The following SC5D variants were observed in gnomAD, a reference collection of about 807,000 sequenced individuals.
The protein encoded by SC5D is sterol-C5-desaturase.
In SC5D, 21 loss-of-function variants were observed where a neutral mutation model predicts 23.9. The ratio of observed to expected loss-of-function variants is 0.88; its 90% CI spans 0.62 to 1.26. The LOEUF is 1.26. Ranked by LOEUF, SC5D falls within the 50% of genes most tolerant of loss-of-function variation. The probability of loss-of-function intolerance (pLI) is 0.00; values close to 1 mark genes in which losing one functional copy is unlikely to be tolerated. For missense variants in SC5D, 309 were observed against 364.8 expected (o/e 0.85, Z 1.25); for synonymous variants, 113 against 125.9 (o/e 0.90, Z 0.68).
rs1005927242 is a variant in SC5D, at chr11:121,308,634, CTG to C, written c.*1124_*1125del. On this transcript the variant is annotated 3_prime_UTR_variant, in exon 5 of 5. Coordinates refer to ENST00000264027, the MANE Select transcript of SC5D (RefSeq NM_006918.5). The stretch of plus-strand genomic sequence containing the variant: ...TCAATAAAAGTTGATCATAATTAAA[CTG>C]TATCAGTTGAGTATTATAGCAGCAC... The C allele has an allele frequency of 1.3e-5, 2 of 152,580 alleles. No individual in the cohort carries two copies. The highest frequency in any genetic ancestry group is 2.9e-5 in the Non-Finnish European group (2 of 68,026). The allele number at this position is 152,580 out of a possible 1,614,324, so 9.5% of individuals were successfully genotyped here.
intron 3 of SC5D, 124 bp downstream of exon 3, chr11:121,304,617 T>C (rs1947950496): frequency 1.2e-6 from 1 of 868,962 alleles, no homozygotes; most frequent in Non-Finnish European, 1.8e-6. Context: ...CAGTTGTTTT[T>C]TAATGTTCTA....
chr11:121,296,312 C>T (rs909449627), intron 1 of SC5D, among the ~76,000 whole-genome samples: 47 of 152,194 alleles, frequency 3.1e-4, no homozygotes, highest in East Asian at 1.2e-3. Context: ...TCCCTCCATG[C>T]GTAGTCTAAC....
At chr11:121,305,643 C>T (rs1319576654) in intron 3 of SC5D, 1 of 151,932 alleles carries the variant, frequency 6.6e-6, no homozygotes, top group Non-Finnish European at 1.5e-5. Context: ...AGGAGAATCC[C>T]TTGAACCTGG....
rs1947990864 is a variant in SC5D at position 121,309,224 on chromosome 11, C to CT, written c.*1713dup. 2.0e-5 allele frequency among the ~76,000 whole-genome samples: 3 copies of CT among 152,194 alleles called. No homozygotes were observed. In the South Asian group the frequency reaches 6.2e-4, roughly 32 times the overall value. ...ACCCAGGCTCCTTCCTCTTGGGGCT[C>CT]TGCCTTTCTCTCAGTCCATAGAGCC... On this transcript the variant is annotated 3_prime_UTR_variant, in exon 5 of 5. Transcript: ENST00000264027.
At chr11:121,305,341 A>G (rs559979309) in intron 3 of SC5D, 28 of 151,982 alleles carry the variant, frequency 1.8e-4, no homozygotes, top group African/African-American at 2.4e-4. Flanking sequence ...AGGTGAGTCA[A>G]TGAGGTGTAC....
intron 1 of SC5D, among the ~76,000 whole-genome samples, chr11:121,296,852 T>C (rs1288917833): frequency 6.6e-6 from 1 of 152,228 alleles, no homozygotes; most frequent in Non-Finnish European, 1.5e-5. Context: ...ATTCATATCA[T>C]AAACAAAGGG....
At chr11:121,299,067 C>T (rs1156453288) in intron 1 of SC5D, among the ~76,000 whole-genome samples, 2 of 152,104 alleles carry the variant, frequency 1.3e-5, no homozygotes, top group African/African-American at 4.8e-5. Context: ...AGAGGCCTGA[C>T]AATAGCGGGA....
chr11:121,301,574 A>G (rs1565568225), intron 1 of SC5D, among the ~76,000 whole-genome samples: 1 of 152,184 alleles, frequency 6.6e-6, no homozygotes, highest in Non-Finnish European at 1.5e-5. Flanking sequence ...GAGTGGCCCC[A>G]GACTCACCAA....
Position 121,312,800 on chromosome 11 carries a change from AAGCC to A in SC5D, c.*5290_*5293del. ...TTCCTCTATTATAATTTAACTCATT[AAGCC>A]ATTTATTTAGATGTAAACTTGCCCC... is the stretch of plus-strand genomic sequence containing the variant. On this transcript the variant is annotated 3_prime_UTR_variant, in exon 5 of 5. Coordinates refer to ENST00000264027, the MANE Select transcript of SC5D (RefSeq NM_006918.5). Among the ~76,000 whole-genome samples the A allele has an allele frequency of 1.3e-5, 2 of 152,104 alleles. No individual in the cohort carries two copies. Among genetic ancestry groups the A allele is most frequent in the African/African-American group, 4.8e-5 (2 of 41,444 alleles).
chr11:121,297,469 G>A (rs727422), intron 1 of SC5D, among the ~76,000 whole-genome samples: 10,275 of 152,174 alleles, frequency 0.068, 362 homozygotes, highest in South Asian at 0.092. Context: ...CTTTAAGTTC[G>A]GCTCTCAAAA....
chr11:121,294,204 T>A (rs756826749), intron 1 of SC5D, among the ~76,000 whole-genome samples: 1 of 152,210 alleles, frequency 6.6e-6, no homozygotes, highest in African/African-American at 2.4e-5. Context: ...AAGTTTCTGT[T>A]TGAAGCAGTG....
At position 121,312,872 on chromosome 11, in the gene SC5D, T is replaced by G. The variant is rs910537751; in HGVS notation, c.*5360T>G. On this transcript the variant is annotated 3_prime_UTR_variant, in exon 5 of 5. Transcript: ENST00000264027. ...AACAAATAGAAACCTAGAAATTTAGTGCATATTCAAATATTAAGACAGACA... is the reference window on the plus strand; with the variant it reads ...AACAAATAGAAACCTAGAAATTTAGGGCATATTCAAATATTAAGACAGACA... 6.6e-6 allele frequency among the ~76,000 whole-genome samples: 1 copy of G among 152,184 alleles called. No homozygotes were observed. The highest frequency in any genetic ancestry group is 1.5e-5 in the Non-Finnish European group (1 of 68,016).
At position 121,310,468 on chromosome 11, in the gene SC5D, T is replaced by G. The variant is rs1327610779; in HGVS notation, c.*2956T>G. On this transcript the variant is annotated 3_prime_UTR_variant, in exon 5 of 5. Coordinates refer to ENST00000264027, the MANE Select transcript of SC5D (RefSeq NM_006918.5). ...TGTCTCCTGTCCCTTTTTTTTTTTT[T>G]TTTTTTGAGATGGAGTCTTGCTCTG... Among the ~76,000 whole-genome samples the G allele has an allele frequency of 2.0e-5, 3 of 149,984 alleles. No homozygotes were observed. Among genetic ancestry groups the G allele is most frequent in the Admixed American group, 6.6e-5 (1 of 15,090 alleles).
At chr11:121,302,016 G>A (rs1267442492) in intron 1 of SC5D, among the ~76,000 whole-genome samples, 1 of 152,200 alleles carries the variant, frequency 6.6e-6, no homozygotes, top group East Asian at 1.9e-4. Flanking sequence ...GTGGTTTACA[G>A]TGACATGGAT....
intron 3 of SC5D, chr11:121,305,609 C>T (rs891074398): frequency 6.6e-6 from 1 of 152,210 alleles, no homozygotes; most frequent in Non-Finnish European, 1.5e-5. Context: ...CACCTGTAGT[C>T]CCAGCTACTC....
At position 121,303,054 on chromosome 11, in the gene SC5D, C is replaced by T. The variant is rs144095867; in HGVS notation, c.-10-312C>T. 2.3e-3 allele frequency among the ~76,000 whole-genome samples: 351 copies of T among 152,264 alleles called. 3 individuals are homozygous for T. Among genetic ancestry groups the T allele is most frequent in the African/African-American group, 8.1e-3 (337 of 41,534 alleles). Reference sequence around the variant, plus strand: ...CCACTTGCCATGCTGCCATAGGACGCGGTAGGGAATGACACTGAAATGGAA... The same window carrying T: ...CCACTTGCCATGCTGCCATAGGACGTGGTAGGGAATGACACTGAAATGGAA... On this transcript the variant is annotated intron_variant, in intron 1 of 4. Transcript: ENST00000264027.
chr11:121,307,573 T>C lies in SC5D; in HGVS notation c.*61T>C, dbSNP rs1330523687. The stretch of plus-strand genomic sequence containing the variant: ...AGGAAATATCATCGTATTTCTTTTT[T>C]TTAATAAGGAAAAAATAATATCCAT... On this transcript the variant is annotated 3_prime_UTR_variant, in exon 5 of 5. Coordinates refer to ENST00000264027, the MANE Select transcript of SC5D (RefSeq NM_006918.5). 3 of 1,174,914 alleles carry C rather than the reference T, an allele frequency of 2.6e-6. No homozygotes were observed. The African/African-American group carries it at 4.7e-5, about 18-fold the overall frequency. The allele number at this position is 1,174,914 out of a possible 1,614,324, so 72.8% of individuals were successfully genotyped here. A position where few individuals can be genotyped will look rare whatever the true frequency, so the allele number is the denominator to read the frequency against.
chr11:121,294,435 A>G lies in SC5D; in HGVS notation c.-11+1619A>G, dbSNP rs189402024. On this transcript the variant is annotated intron_variant, in intron 1 of 4. Transcript: ENST00000264027. ...AGCATTTATTTACTCTTATGACCCT[A>G]TGCAAGTTACTTAAAATTTCTGTGC... is the stretch of plus-strand genomic sequence containing the variant. 1.6e-3 allele frequency among the ~76,000 whole-genome samples: 236 copies of G among 152,254 alleles called. 1 individual carries two copies. The highest frequency in any genetic ancestry group is 5.4e-3 in the African/African-American group (226 of 41,558).
In SC5D at chr11:121,307,211, T is replaced by C. The variant is rs144254550; in HGVS notation, c.599T>C (p.Leu200Ser). The change falls in exon 5 of 5, where the codon TTG becomes TCG. Residue 200 changes from leucine (L) to serine (S), a missense_variant. Physicochemically the swap from Leu to Ser is moderately radical, Grantham distance 145 (BLOSUM62 -2). Coordinates refer to ENST00000264027, the MANE Select transcript of SC5D (RefSeq NM_006918.5). ...GTGGTTTATTTAAGTCTGTACATCT[T>C]GGTTAATATCTGGACAATTTCCATT... ...HKVVYLSLYI[L>S]VNIWTISIHD... The C allele has an allele frequency of 6.2e-6, 10 of 1,614,096 alleles. No homozygotes were observed. The African/African-American group carries it at 1.2e-4, about 19-fold the overall frequency.
Sources: allele counts gnomAD v4.1 joint callset (sites outside exome capture counted in the v4.1 genomes callset), GRCh38; gene constraint gnomAD v4.1.1; transcripts MANE v1.5; gene names NCBI Gene and HGNC (gene_info 2026-07-23, HGNC 2026-07-21).